Variants in AOAH observed in about 807,000 individuals in gnomAD.
The protein encoded by AOAH is acyloxyacyl hydrolase.
A neutral mutation model predicts 92.2 loss-of-function variants in AOAH; 64 were observed. That is an observed-to-expected ratio of 0.69 (90% CI 0.57 to 0.86). The LOEUF (loss-of-function observed/expected upper bound fraction) is 0.86, where lower values mean the gene tolerates loss of function less well. Among genes scored for constraint, AOAH ranks in the 40% least tolerant of loss-of-function variants. The probability of loss-of-function intolerance (pLI) is 0.00; values close to 1 mark genes in which losing one functional copy is unlikely to be tolerated. For synonymous variants in AOAH, 263 were observed against 254.5 expected, an observed-to-expected ratio of 1.03 and a Z score of -0.32; for missense variants, 656 against 694.6, an observed-to-expected ratio of 0.94 and a Z score of 0.62.
intron 12 of AOAH, among the ~76,000 whole-genome samples, chr7:36,587,861 C>A (rs2116742705): frequency 6.6e-6 from 1 of 152,248 alleles, no homozygotes; most frequent in East Asian, 1.9e-4. Context: ...AAGCTCATTT[C>A]ATTCATTTTA....
chr7:36,647,837 C>T (rs1584025356), intron 4 of AOAH, among the ~76,000 whole-genome samples: 1 of 145,308 alleles, frequency 6.9e-6, no homozygotes, highest in East Asian at 2.0e-4. Flanking sequence ...CCTTAGAGTT[C>T]TTTTTTTTTT....
chr7:36,681,323 G>GGTAAA (rs1477181680), intron 2 of AOAH, among the ~76,000 whole-genome samples: 2 of 152,118 alleles, frequency 1.3e-5, no homozygotes, highest in Non-Finnish European at 1.5e-5. Flanking sequence ...GAACTTATAT[G>GGTAAA]GTAAAGAAGT....
chr7:36,539,003 C>T (rs1785252876), intron 16 of AOAH, among the ~76,000 whole-genome samples: 1 of 152,142 alleles, frequency 6.6e-6, no homozygotes, highest in African/African-American at 2.4e-5. Flanking sequence ...ACTCTTTTCC[C>T]AGGTGGGGAG....
At chr7:36,648,416 C>CT (rs141353393) in intron 4 of AOAH, among the ~76,000 whole-genome samples, 28,159 of 151,234 alleles carry the variant, frequency 0.19, 2,805 homozygotes, top group African/African-American at 0.21. Flanking sequence ...CCTTTGCTGA[C>CT]TTTTTTTTTC....
chr7:36,517,224 C>CTTTCTTTCTTTCTTTTTTTT (rs1229778638), intron 20 of AOAH, among the ~76,000 whole-genome samples: 1 of 47,588 alleles, frequency 2.1e-5, no homozygotes, highest in Admixed American at 2.8e-4. Context: ...CTCTTTCTTT[C>CTTTCTTTCTTTCTTTTTTTT]TGTCTCTCTC....
chr7:36,714,944 A>T (rs966333043), intron 1 of AOAH, among the ~76,000 whole-genome samples: 1 of 152,042 alleles, frequency 6.6e-6, no homozygotes, highest in Non-Finnish European at 1.5e-5. Context: ...CTCTCACCAC[A>T]CCTATTCAAC....
intron 12 of AOAH, among the ~76,000 whole-genome samples, chr7:36,577,718 AT>A (rs1788623204): frequency 6.6e-6 from 1 of 152,236 alleles, no homozygotes; most frequent in Non-Finnish European, 1.5e-5. Context: ...TTTAAATGTA[AT>A]TAAATGTTAT....
chr7:36,602,442 TG>T (rs1317662244), intron 11 of AOAH, among the ~76,000 whole-genome samples: 2 of 150,936 alleles, frequency 1.3e-5, no homozygotes, highest in African/African-American at 4.9e-5. Context: ...TTCCTTCCAT[TG>T]TTTTTTTTTT....
chr7:36,665,273 C>T (rs1795463487), intron 3 of AOAH, among the ~76,000 whole-genome samples: 2 of 152,136 alleles, frequency 1.3e-5, no homozygotes, highest in South Asian at 4.1e-4. Flanking sequence ...TAGATTTACA[C>T]ATAAGTATTT....
At chr7:36,587,513 T>C (rs974297382) in intron 12 of AOAH, among the ~76,000 whole-genome samples, 1 of 152,164 alleles carries the variant, frequency 6.6e-6, no homozygotes, top group Admixed American at 6.5e-5. Context: ...TGGCCTGTCT[T>C]GCACTTTTAA....
intron 20 of AOAH, among the ~76,000 whole-genome samples, chr7:36,515,939 C>A (rs1350798793): frequency 6.7e-6 from 1 of 148,772 alleles, no homozygotes; most frequent in African/African-American, 2.5e-5. Flanking sequence ...CACACACACC[C>A]CCACATCCCA....
At chr7:36,707,267 G>T (rs1798479876) in intron 1 of AOAH, among the ~76,000 whole-genome samples, 1 of 152,010 alleles carries the variant, frequency 6.6e-6, no homozygotes, top group Non-Finnish European at 1.5e-5. Context: ...GAGGGGGAGA[G>T]ATGGGGAAAT....
intron 4 of AOAH, among the ~76,000 whole-genome samples, chr7:36,648,207 G>A (rs908402857): frequency 1.3e-5 from 2 of 152,168 alleles, no homozygotes; most frequent in Non-Finnish European, 2.9e-5. Context: ...TAATTTTGTA[G>A]TCTCTGATAC....
intron 1 of AOAH, among the ~76,000 whole-genome samples, chr7:36,693,313 G>T (rs552031151): frequency 1.1e-4 from 17 of 152,188 alleles, no homozygotes; most frequent in African/African-American, 4.1e-4. Context: ...TATTACAGTG[G>T]AACTGTTACA....
chr7:36,557,274 G>C (rs1583812327), intron 13 of AOAH, among the ~76,000 whole-genome samples: 1 of 151,786 alleles, frequency 6.6e-6, no homozygotes, highest in Non-Finnish European at 1.5e-5. Context: ...GAAATTCTGG[G>C]TTGAAAATTC....
chr7:36,550,976 G>A (rs1433152285), intron 13 of AOAH, among the ~76,000 whole-genome samples: 1 of 152,042 alleles, frequency 6.6e-6, no homozygotes, highest in East Asian at 1.9e-4. Context: ...TGTACAGGCA[G>A]CACTGATGTT....
Position 36,530,441 on chromosome 7 carries a change from T to A in AOAH, c.1499A>T (p.Tyr500Phe). Residue 500 changes from tyrosine (Y) to phenylalanine (F), a missense_variant, in exon 19 of 21, where the codon TAC (tyrosine) becomes TTC (phenylalanine). Physicochemically the swap from Tyr to Phe is conservative, Grantham distance 22 (BLOSUM62 3). Transcript: ENST00000617537. ...SEKFTNFNLF[Y>F]MDFAFHEIIQ... ...ACTTTCATGGAAGGCAAAATCCATG[T>A]AGAAAAGATTGAAGTTTGTAAATTT... is the stretch of plus-strand genomic sequence containing the variant. 6.2e-7 allele frequency: 1 copy of A among 1,613,266 alleles called. No individual in the cohort carries two copies. Among genetic ancestry groups the A allele is most frequent in the Non-Finnish European group, 8.5e-7 (1 of 1,179,208 alleles).
At chr7:36,716,721 G>GGA (rs1799201774) in intron 1 of AOAH, among the ~76,000 whole-genome samples, 1 of 149,562 alleles carries the variant, frequency 6.7e-6, no homozygotes, top group Admixed American at 6.6e-5. Flanking sequence ...ACTATCAGAA[G>GGA]GACAACAAAC....
At chr7:36,643,136 C>T (rs1794011726) in intron 4 of AOAH, among the ~76,000 whole-genome samples, 1 of 152,048 alleles carries the variant, frequency 6.6e-6, no homozygotes, top group Non-Finnish European at 1.5e-5. Flanking sequence ...GAAATGTATG[C>T]TTTTTTTGAG....
Sources: gnomAD v4.1 joint callset for allele counts (sites outside exome capture counted in the v4.1 genomes callset) on GRCh38, gnomAD v4.1.1 for gene constraint, MANE v1.5 for transcripts, NCBI Gene and HGNC (gene_info 2026-07-23, HGNC 2026-07-21) for gene names.